SDK1: variants seen among roughly 807,000 people sequenced by gnomAD.
The protein encoded by SDK1 is protein sidekick-1.
SDK1 carries 157 observed loss-of-function variants against 245.5 expected under a neutral mutation model. The ratio of observed to expected loss-of-function variants is 0.64; its 90% CI spans 0.56 to 0.73. SDK1 has a LOEUF of 0.73. Among genes scored for constraint, SDK1 ranks in the 30% least tolerant of loss-of-function variants. SDK1 has a pLI of 0.00. For missense variants in SDK1, 3,583 were observed against 3,002.3 expected (o/e 1.19, Z -4.52); for synonymous variants, 1,647 against 1,278.5 (o/e 1.29, Z -6.15).
At chr7:3,615,536 A>G (rs1236554664) in intron 1 of SDK1, among the ~76,000 whole-genome samples, 1 of 151,754 alleles carries the variant, frequency 6.6e-6, no homozygotes, top group Admixed American at 6.6e-5. Flanking sequence ...TCAGACCTAG[A>G]TTATAAGCGC....
At position 3,464,261 on chromosome 7, in the gene SDK1, C is replaced by T. The variant is rs180949276; in HGVS notation, c.299-154819C>T. On this transcript the variant is annotated intron_variant, in intron 1 of 44. Coordinates refer to ENST00000404826, the MANE Select transcript of SDK1 (RefSeq NM_152744.4). ...GTATTGGGCCAGGCATGGTGGCTCA[C>T]GCCTATAATCCTAACACTTTCGGAG... 5.8e-4 allele frequency among the ~76,000 whole-genome samples: 88 copies of T among 152,276 alleles called. 1 individual carries two copies. The highest frequency in any genetic ancestry group is 1.9e-3 in the African/African-American group (81 of 41,556).
At chr7:3,782,650 A>G (rs1334310698) in intron 4 of SDK1, among the ~76,000 whole-genome samples, 2 of 152,250 alleles carry the variant, frequency 1.3e-5, no homozygotes, top group African/African-American at 4.8e-5. Flanking sequence ...CACTGAAAGA[A>G]CAAGATGGTA....
intron 20 of SDK1, among the ~76,000 whole-genome samples, chr7:4,076,550 A>C (rs962591585): frequency 3.5e-5 from 5 of 143,836 alleles, no homozygotes; most frequent in African/African-American, 1.3e-4. Flanking sequence ...ACTCAAAAAT[A>C]AATAGATAGA....
intron 2 of SDK1, among the ~76,000 whole-genome samples, chr7:3,628,413 G>C (rs1782184595): frequency 6.6e-6 from 1 of 152,002 alleles, no homozygotes; most frequent in African/African-American, 2.4e-5. Flanking sequence ...AATACCTATG[G>C]GGTCAGGACT....
At chr7:3,506,035 A>C (rs1229687663) in intron 1 of SDK1, among the ~76,000 whole-genome samples, 1 of 152,126 alleles carries the variant, frequency 6.6e-6, no homozygotes, top group African/African-American at 2.4e-5. Flanking sequence ...ATAAGAAAAA[A>C]ATTCATTTGT....
At chr7:3,917,862 A>ACCT (rs1024693092) in intron 5 of SDK1, among the ~76,000 whole-genome samples, 2 of 151,898 alleles carry the variant, frequency 1.3e-5, no homozygotes, top group Non-Finnish European at 2.9e-5. Flanking sequence ...CTGCACACAC[A>ACCT]CCTCCTCCTG....
rs565690193 is a variant in SDK1, at chr7:4,123,820, G to T, written c.3824-3561G>T. Among the ~76,000 whole-genome samples, 6 of 152,354 alleles carry T rather than the reference G, an allele frequency of 3.9e-5. No individual in the cohort carries two copies. The South Asian group carries it at 1.2e-3, about 32-fold the overall frequency. ...CACATTCACTGACCTACACCCAGCA[G>T]CCGATCTAATGTCCATGCAGGGAAG... On this transcript the variant is annotated intron_variant, in intron 25 of 44. Transcript: ENST00000404826.
chr7:3,990,558 C>T lies in SDK1; in HGVS notation c.2131+3236C>T, dbSNP rs750292. The stretch of plus-strand genomic sequence containing the variant: ...AAACAGGACTTGACAGTGATCTGGA[C>T]GGAGAGAATGGGACAGGGGAGAGCT... On this transcript the variant is annotated intron_variant, in intron 14 of 44. Transcript: ENST00000404826. Among the ~76,000 whole-genome samples the T allele has an allele frequency of 2.6e-3, 397 of 152,320 alleles. 5 individuals carry two copies. The highest frequency in any genetic ancestry group is 8.9e-3 in the African/African-American group (370 of 41,572).
chr7:3,895,916 T>C (rs1307077343), intron 5 of SDK1, among the ~76,000 whole-genome samples: 2 of 152,254 alleles, frequency 1.3e-5, no homozygotes, highest in Non-Finnish European at 2.9e-5. Context: ...TACTGATTTC[T>C]GATTTAATTC....
chr7:3,829,159 T>C (rs995158458), intron 5 of SDK1, among the ~76,000 whole-genome samples: 28 of 152,212 alleles, frequency 1.8e-4, no homozygotes, highest in Non-Finnish European at 3.5e-4. Flanking sequence ...CATTAAACTA[T>C]ACCAGAAATT....
chr7:3,975,425 G>A (rs1782844542), intron 13 of SDK1, among the ~76,000 whole-genome samples: 1 of 152,088 alleles, frequency 6.6e-6, no homozygotes, highest in Non-Finnish European at 1.5e-5. Flanking sequence ...TTTCCTCACT[G>A]GACCCTGCCC....
At chr7:3,948,201 C>T (rs908386404) in intron 5 of SDK1, among the ~76,000 whole-genome samples, 3 of 150,044 alleles carry the variant, frequency 2.0e-5, no homozygotes, top group Non-Finnish European at 4.4e-5. Context: ...GTGGTGGTTT[C>T]CATAAGTCAG....
At chr7:3,999,319 G>A (rs1211474470) in intron 14 of SDK1, among the ~76,000 whole-genome samples, 1 of 152,200 alleles carries the variant, frequency 6.6e-6, no homozygotes, top group Non-Finnish European at 1.5e-5. Context: ...TTAGACACCA[G>A]GAGATACCAG....
chr7:3,334,977 C>T (rs1224058714), intron 1 of SDK1, among the ~76,000 whole-genome samples: 1 of 152,084 alleles, frequency 6.6e-6, no homozygotes, highest in Non-Finnish European at 1.5e-5. Context: ...AGTTATCCTT[C>T]ATTTTTTTTC....
At chr7:3,619,371 A>C in intron 2 of SDK1, 132 bp downstream of exon 2, 5 of 688,464 alleles carry the variant, frequency 7.3e-6, no homozygotes, top group Non-Finnish European at 1.2e-5. Flanking sequence ...TTAAAGGAAT[A>C]GATTTGAATA....
chr7:3,810,734 A>G (rs755971180), intron 4 of SDK1, among the ~76,000 whole-genome samples: 2 of 152,218 alleles, frequency 1.3e-5, no homozygotes, highest in Admixed American at 6.5e-5. Flanking sequence ...AAAAGAATCA[A>G]TTCTATTTAT....
chr7:3,499,518 G>A (rs1368753792), intron 1 of SDK1, among the ~76,000 whole-genome samples: 1 of 152,170 alleles, frequency 6.6e-6, no homozygotes, highest in Non-Finnish European at 1.5e-5. Flanking sequence ...CTCTCTCATT[G>A]TTTCCGTCTC....
In SDK1 at chr7:3,672,757, TTTTATATATATATATATATATA is replaced by T. The variant is rs1221345673; in HGVS notation, c.713+30654_713+30675del. 8.2e-5 allele frequency among the ~76,000 whole-genome samples: 2 copies of T among 24,470 alleles called. 1 individual carries two copies. Among genetic ancestry groups the T allele is most frequent in the Admixed American group, 1.5e-3 (2 of 1,354 alleles). The allele number at this position is 24,470 out of a possible 152,430, so 16.1% of individuals were successfully genotyped here. On this transcript the variant is annotated intron_variant, in intron 4 of 44. Coordinates refer to ENST00000404826, the MANE Select transcript of SDK1 (RefSeq NM_152744.4). ...TAATATATATTTTTATAATATATAA[TTTTATATATATATATATATATA>T]TATATATATATATATAAAAAATACA...
At chr7:4,003,378 C>T (rs1687952585) in intron 14 of SDK1, among the ~76,000 whole-genome samples, 1 of 152,234 alleles carries the variant, frequency 6.6e-6, no homozygotes. Flanking sequence ...TCCCCTGTGA[C>T]ACTAGTATGG....
Sources: allele counts gnomAD v4.1 joint callset (sites outside exome capture counted in the v4.1 genomes callset), GRCh38; gene constraint gnomAD v4.1.1; transcripts MANE v1.5; gene names NCBI Gene and HGNC (gene_info 2026-07-23, HGNC 2026-07-21).